ZNF804B: variants seen among roughly 807,000 people sequenced by gnomAD.
ZNF804B encodes zinc finger 804B.
ZNF804B carries 80 observed loss-of-function variants against 101.4 expected under a neutral mutation model. That is an observed-to-expected ratio of 0.79 (90% CI 0.66 to 0.95). The LOEUF (loss-of-function observed/expected upper bound fraction) is 0.95, where lower values mean the gene tolerates loss of function less well. ZNF804B is among the 40% of genes least tolerant of loss of function. The probability of loss-of-function intolerance (pLI) is 0.00; values close to 1 mark genes in which losing one functional copy is unlikely to be tolerated. For synonymous variants in ZNF804B, 622 were observed against 558.8 expected (o/e 1.11, Z -1.59); for missense variants, 1,673 against 1,561.9 (o/e 1.07, Z -1.20).
intron 1 of ZNF804B, among the ~76,000 whole-genome samples, chr7:89,107,850 T>C (rs1790159325): frequency 6.6e-6 from 1 of 152,158 alleles, no homozygotes; most frequent in Non-Finnish European, 1.5e-5. Context: ...ATGGGGGGTA[T>C]TCTCTGAATT....
chr7:88,842,846 A>T (rs937719401), intron 1 of ZNF804B, among the ~76,000 whole-genome samples: 2 of 152,206 alleles, frequency 1.3e-5, no homozygotes, highest in Non-Finnish European at 2.9e-5. Flanking sequence ...AACTTTTTTA[A>T]GATTCATTCT....
intron 1 of ZNF804B, among the ~76,000 whole-genome samples, chr7:89,194,268 G>A (rs1204450616): frequency 1.3e-5 from 2 of 152,136 alleles, no homozygotes; most frequent in African/African-American, 2.4e-5. Context: ...TAGGTTGCCT[G>A]TTCACTCTGA....
At position 89,335,088 on chromosome 7, in the gene ZNF804B, G is replaced by A. The variant is rs748940500; in HGVS notation, c.2106G>A (p.Gln702=). The A allele has an allele frequency of 3.1e-6, 5 of 1,613,814 alleles. No homozygotes were observed. In the South Asian group the frequency reaches 4.4e-5, roughly 14 times the overall value. Residue 702 remains glutamine, a synonymous_variant, in exon 4 of 4, where the codon CAG becomes CAA. Coordinates refer to ENST00000333190, the MANE Select transcript of ZNF804B (RefSeq NM_181646.5). ...GNQRYKRYSP[Q]SCLSRYSSSL... ...AAAGATACAAGAGATACTCTCCACAGTCATGTTTGAGTAGATATTCTTCCT... is the reference window on the plus strand; with the variant it reads ...AAAGATACAAGAGATACTCTCCACAATCATGTTTGAGTAGATATTCTTCCT...
chr7:88,825,184 G>T (rs574403703), intron 1 of ZNF804B, among the ~76,000 whole-genome samples: 1 of 152,122 alleles, frequency 6.6e-6, no homozygotes, highest in African/African-American at 2.4e-5. Flanking sequence ...GTGCATAAGT[G>T]CATATCTCAT....
intron 1 of ZNF804B, among the ~76,000 whole-genome samples, chr7:89,211,830 C>T (rs560717428): frequency 1.3e-5 from 2 of 152,276 alleles, no homozygotes; most frequent in Non-Finnish European, 2.9e-5. Flanking sequence ...TACACAAGCT[C>T]TTTTTTGAAT....
intron 2 of ZNF804B, among the ~76,000 whole-genome samples, chr7:89,323,984 C>A (rs1324602701): frequency 6.6e-6 from 1 of 151,966 alleles, no homozygotes; most frequent in Non-Finnish European, 1.5e-5. Context: ...TTGGGCTAAG[C>A]CAAAACATGA....
chr7:88,770,524 A>G (rs1790046650), intron 1 of ZNF804B, among the ~76,000 whole-genome samples: 1 of 152,214 alleles, frequency 6.6e-6, no homozygotes, highest in Admixed American at 6.5e-5. Context: ...TCTGACCTAG[A>G]GGACTATAAG....
At chr7:88,820,681 A>C (rs1407904740) in intron 1 of ZNF804B, among the ~76,000 whole-genome samples, 2 of 152,150 alleles carry the variant, frequency 1.3e-5, no homozygotes, top group East Asian at 3.9e-4. Flanking sequence ...CTGTCTTCTA[A>C]AGCAGCACTG....
intron 2 of ZNF804B, among the ~76,000 whole-genome samples, chr7:89,255,655 A>G (rs1441164115): frequency 6.6e-6 from 1 of 152,228 alleles, no homozygotes; most frequent in Non-Finnish European, 1.5e-5. Flanking sequence ...ATAGGAAAAT[A>G]TCTTTATAAT....
intron 1 of ZNF804B, among the ~76,000 whole-genome samples, chr7:89,125,107 T>C (rs1790460124): frequency 1.3e-5 from 2 of 151,874 alleles, no homozygotes; most frequent in African/African-American, 2.4e-5. Flanking sequence ...AGGAAACTTC[T>C]TGGCTTTTTT....
intron 2 of ZNF804B, among the ~76,000 whole-genome samples, chr7:89,301,552 G>A (rs1790473691): frequency 6.6e-6 from 1 of 151,746 alleles, no homozygotes; most frequent in Non-Finnish European, 1.5e-5. Flanking sequence ...TGAATGCAAT[G>A]TTTCAGCTAA....
intron 1 of ZNF804B, among the ~76,000 whole-genome samples, chr7:89,167,796 G>T (rs1043362502): frequency 2.0e-5 from 3 of 151,926 alleles, no homozygotes; most frequent in East Asian, 3.9e-4. Flanking sequence ...AGGTCCAAAT[G>T]GTGATTGTTA....
intron 2 of ZNF804B, among the ~76,000 whole-genome samples, chr7:89,231,856 A>G (rs1211199458): frequency 6.6e-6 from 1 of 152,088 alleles, no homozygotes; most frequent in Non-Finnish European, 1.5e-5. Flanking sequence ...GATTTTATGT[A>G]TATAAGAACA....
At chr7:89,260,933 A>G (rs1002439548) in intron 2 of ZNF804B, among the ~76,000 whole-genome samples, 1 of 152,020 alleles carries the variant, frequency 6.6e-6, no homozygotes, top group Non-Finnish European at 1.5e-5. Context: ...TTGTTCTTCA[A>G]GGTTTATGGC....
chr7:89,065,590 A>G (rs1222903111), intron 1 of ZNF804B, among the ~76,000 whole-genome samples: 1 of 152,182 alleles, frequency 6.6e-6, no homozygotes, highest in African/African-American at 2.4e-5. Context: ...CACAACACAC[A>G]GTGGGTTAAA....
chr7:89,319,229 T>C (rs912584107), intron 2 of ZNF804B, among the ~76,000 whole-genome samples: 4 of 152,232 alleles, frequency 2.6e-5, no homozygotes, highest in Admixed American at 2.6e-4. Flanking sequence ...ATGGCCAGAT[T>C]TGGGGGGGCT....
At chr7:88,910,537 A>G (rs1311302589) in intron 1 of ZNF804B, among the ~76,000 whole-genome samples, 1 of 151,948 alleles carries the variant, frequency 6.6e-6, no homozygotes, top group East Asian at 1.9e-4. Context: ...TGAAAAATTA[A>G]TTCTCTAGAG....
chr7:89,048,228 T>C (rs972028625), intron 1 of ZNF804B, among the ~76,000 whole-genome samples: 8 of 110,684 alleles, frequency 7.2e-5, no homozygotes, highest in Admixed American at 1.8e-4. Flanking sequence ...ACACACACAA[T>C]GGAATACTAC....
chr7:88,854,541 T>TC lies in ZNF804B; in HGVS notation c.108+94459dup, dbSNP rs763702761. Among the ~76,000 whole-genome samples the TC allele has an allele frequency of 2.1e-3, 187 of 88,634 alleles. 10 individuals carry two copies. In the East Asian group the frequency reaches 0.035, roughly 16 times the overall value. The allele number at this position is 88,634 out of a possible 152,430, so 58.1% of individuals were successfully genotyped here. On this transcript the variant is annotated intron_variant, in intron 1 of 3. Coordinates refer to ENST00000333190, the MANE Select transcript of ZNF804B (RefSeq NM_181646.5). ...CCTTTCCTTCCTTTCCTTCCTTCCTTCCTTCCTTCCTTCCTTCCTTCCTTC... is the reference window on the plus strand; with the variant it reads ...CCTTTCCTTCCTTTCCTTCCTTCCTTCCCTTCCTTCCTTCCTTCCTTCCTTC...
Sources: gnomAD v4.1 joint callset for allele counts (sites outside exome capture counted in the v4.1 genomes callset) on GRCh38, gnomAD v4.1.1 for gene constraint, MANE v1.5 for transcripts, NCBI Gene and HGNC (gene_info 2026-07-23, HGNC 2026-07-21) for gene names.